Variants in AGBL4 observed in about 807,000 individuals in gnomAD.
The protein encoded by AGBL4 is cytosolic carboxypeptidase 6.
In AGBL4, 58 loss-of-function variants were observed where a neutral mutation model predicts 66.4. The ratio of observed to expected loss-of-function variants is 0.87; its 90% CI spans 0.71 to 1.09. The LOEUF is 1.09. AGBL4 is among the 50% of genes least tolerant of loss of function. The pLI is 0.00. For synonymous variants in AGBL4, 234 were observed against 222.9 expected (o/e 1.05, Z -0.44); for missense variants, 579 against 631.0 (o/e 0.92, Z 0.88).
intron 3 of AGBL4, among the ~76,000 whole-genome samples, chr1:49,362,895 A>T (rs1009042715): frequency 6.6e-6 from 1 of 152,198 alleles, no homozygotes; most frequent in Non-Finnish European, 1.5e-5. Context: ...AGGATAATCA[A>T]GTCTGAAGAT....
chr1:48,692,695 G>A (rs1646652569), intron 6 of AGBL4, among the ~76,000 whole-genome samples: 1 of 152,218 alleles, frequency 6.6e-6, no homozygotes, highest in Non-Finnish European at 1.5e-5. Flanking sequence ...GATCCAGGAA[G>A]TCAAAAGAGC....
chr1:49,931,724 T>A (rs922038645), intron 1 of AGBL4, among the ~76,000 whole-genome samples: 1 of 152,176 alleles, frequency 6.6e-6, no homozygotes, highest in Non-Finnish European at 1.5e-5. Flanking sequence ...AAATTCTAAT[T>A]AAAATTCCAC....
At chr1:49,430,508 T>C (rs1025668911) in intron 3 of AGBL4, among the ~76,000 whole-genome samples, 2 of 152,212 alleles carry the variant, frequency 1.3e-5, no homozygotes, top group Non-Finnish European at 2.9e-5. Context: ...GTGCACAGTA[T>C]ATAATTTTGA....
At chr1:49,786,062 A>G (rs943855004) in intron 2 of AGBL4, among the ~76,000 whole-genome samples, 8 of 152,024 alleles carry the variant, frequency 5.3e-5, no homozygotes, top group African/African-American at 1.9e-4. Context: ...GCTTTTACAA[A>G]ATATTCCAGA....
chr1:48,987,169 C>G (rs1435996813), intron 5 of AGBL4, among the ~76,000 whole-genome samples: 1 of 151,622 alleles, frequency 6.6e-6, no homozygotes, highest in Non-Finnish European at 1.5e-5. Context: ...GAAACAAAGA[C>G]TAGATGAAAC....
chr1:49,763,077 G>A (rs1652464880), intron 2 of AGBL4, among the ~76,000 whole-genome samples: 1 of 152,122 alleles, frequency 6.6e-6, no homozygotes, highest in Non-Finnish European at 1.5e-5. Flanking sequence ...TGAGAGTTAG[G>A]AGTCTACTCA....
intron 2 of AGBL4, among the ~76,000 whole-genome samples, chr1:49,749,566 A>T (rs1406905693): frequency 6.6e-6 from 1 of 152,184 alleles, no homozygotes; most frequent in African/African-American, 2.4e-5. Flanking sequence ...TCACAGATAC[A>T]AAGTGAATAT....
At chr1:49,725,682 G>GTTTTT (rs58294452) in intron 2 of AGBL4, among the ~76,000 whole-genome samples, 37 of 119,060 alleles carry the variant, frequency 3.1e-4, no homozygotes, top group Non-Finnish European at 5.2e-4. Flanking sequence ...TCCTTTGTGG[G>GTTTTT]TTTTTTTTTT....
At chr1:48,615,898 A>G in intron 9 of AGBL4, among the ~76,000 whole-genome samples, 1 of 152,122 alleles carries the variant, frequency 6.6e-6, no homozygotes, top group Non-Finnish European at 1.5e-5. Flanking sequence ...AGGACCTGGC[A>G]TTTGCTTCCA....
At chr1:49,022,797 A>G (rs1663348513) in intron 5 of AGBL4, among the ~76,000 whole-genome samples, 1 of 152,176 alleles carries the variant, frequency 6.6e-6, no homozygotes, top group Non-Finnish European at 1.5e-5. Flanking sequence ...ATTACTATTC[A>G]TGTATATGTT....
chr1:49,580,795 C>T (rs1325572680), intron 3 of AGBL4, among the ~76,000 whole-genome samples: 1 of 152,074 alleles, frequency 6.6e-6, no homozygotes, highest in Non-Finnish European at 1.5e-5. Flanking sequence ...TTTTAGAATT[C>T]ATTCTTTCAC....
intron 3 of AGBL4, among the ~76,000 whole-genome samples, chr1:49,324,660 C>G (rs1645194258): frequency 6.6e-6 from 1 of 152,172 alleles, no homozygotes; most frequent in Non-Finnish European, 1.5e-5. Flanking sequence ...AGGGGAAAAT[C>G]ACAGCATCTG....
At chr1:49,571,665 A>C (rs1644334424) in intron 3 of AGBL4, among the ~76,000 whole-genome samples, 1 of 152,064 alleles carries the variant, frequency 6.6e-6, no homozygotes, top group Admixed American at 6.5e-5. Flanking sequence ...TTTAGGCATT[A>C]CTTTAAACTT....
chr1:49,402,426 C>A (rs1645105052), intron 3 of AGBL4, among the ~76,000 whole-genome samples: 2 of 152,114 alleles, frequency 1.3e-5, no homozygotes. Flanking sequence ...TTAATTTATT[C>A]ATTGTCCAGT....
chr1:49,934,848 G>A (rs1280754763), intron 1 of AGBL4, among the ~76,000 whole-genome samples: 1 of 151,576 alleles, frequency 6.6e-6, no homozygotes, highest in East Asian at 1.9e-4. Context: ...AATAGGAGAG[G>A]GCAGCCAAGA....
intron 11 of AGBL4, among the ~76,000 whole-genome samples, chr1:48,579,050 C>T (rs1042753392): frequency 2.0e-5 from 3 of 152,064 alleles, no homozygotes; most frequent in African/African-American, 7.2e-5. Context: ...GTCTCCAGAA[C>T]GTCAGGCCTT....
At chr1:49,260,406 G>A (rs1476212020) in intron 3 of AGBL4, among the ~76,000 whole-genome samples, 92 of 148,864 alleles carry the variant, frequency 6.2e-4, no homozygotes, top group African/African-American at 1.9e-3. Context: ...TTGATAGACC[G>A]CTAGCAAGAC....
At chr1:49,423,081 G>A (rs1645578908) in intron 3 of AGBL4, 1 of 152,164 alleles carries the variant, frequency 6.6e-6, no homozygotes, top group Admixed American at 6.5e-5. Flanking sequence ...GGATGCAAAG[G>A]TCTGGGTCCC....
chr1:49,222,569 A>G (rs1649583009), intron 4 of AGBL4, among the ~76,000 whole-genome samples: 1 of 152,214 alleles, frequency 6.6e-6, no homozygotes, highest in Admixed American at 6.5e-5. Context: ...ATATCAGTGA[A>G]GTTCCTAAGA....
Sources: gnomAD v4.1 joint callset for allele counts (sites outside exome capture counted in the v4.1 genomes callset) on GRCh38, gnomAD v4.1.1 for gene constraint, MANE v1.5 for transcripts, NCBI Gene and HGNC (gene_info 2026-07-23, HGNC 2026-07-21) for gene names.